The following CREBL2 variants were observed in gnomAD, a reference collection of about 807,000 sequenced individuals.
CREBL2 encodes cAMP-responsive element-binding protein-like 2.
Under a neutral mutation model 19.5 loss-of-function variants are expected in CREBL2, and 4 were observed. That is an observed-to-expected ratio of 0.20 (90% CI 0.10 to 0.47). The LOEUF is 0.47. Among genes scored for constraint, CREBL2 ranks in the 20% least tolerant of loss-of-function variants. The pLI is 0.98. For missense variants in CREBL2, 85 were observed against 145.1 expected (o/e 0.59, Z 2.13); for synonymous variants, 42 against 46.6 (o/e 0.90, Z 0.40).
rs79120851 is a variant in CREBL2, at chr12:12,644,035, T to C, written c.*2037T>C. ...TCGCTCTTCAATGGAACGTCTTTATTGTGCTTGAAGTATTTCTTCTCTGGT... is the reference window on the plus strand; with the variant it reads ...TCGCTCTTCAATGGAACGTCTTTATCGTGCTTGAAGTATTTCTTCTCTGGT... On this transcript the variant is annotated 3_prime_UTR_variant, in exon 4 of 4. Transcript: ENST00000228865. 0.011 allele frequency: 1,656 copies of C among 152,732 alleles called. 17 individuals carry two copies. Among genetic ancestry groups the C allele is most frequent in the Non-Finnish European group, 0.016 (1,110 of 68,036 alleles). 9.5% of individuals were successfully genotyped at this position (152,732 alleles called of 1,614,324 possible).
intron 1 of CREBL2, among the ~76,000 whole-genome samples, chr12:12,618,159 C>T (rs552469318): frequency 5.9e-5 from 9 of 152,354 alleles, no homozygotes; most frequent in African/African-American, 2.2e-4. Flanking sequence ...TCATCATGGC[C>T]CATTCTCAAT....
intron 1 of CREBL2, among the ~76,000 whole-genome samples, chr12:12,626,526 C>T (rs1286360049): frequency 1.3e-5 from 2 of 152,282 alleles, no homozygotes; most frequent in East Asian, 3.9e-4. Context: ...TTTTCAGGCT[C>T]ACTAGGCAAC....
chr12:12,619,066 AGAGGGAGAG>A (rs1040268463), intron 1 of CREBL2, among the ~76,000 whole-genome samples: 32 of 113,272 alleles, frequency 2.8e-4, no homozygotes, highest in East Asian at 7.4e-4. Flanking sequence ...GAGAGGAGGG[AGAGGGAGAG>A]GAGGGAGAGG....
intron 3 of CREBL2, among the ~76,000 whole-genome samples, chr12:12,639,071 T>C (rs1258270255): frequency 1.3e-5 from 2 of 152,224 alleles, no homozygotes; most frequent in African/African-American, 4.8e-5. Context: ...GTCTATACAG[T>C]ATGTGACTTT....
At chr12:12,632,279 G>A (rs1397546234) in intron 1 of CREBL2, among the ~76,000 whole-genome samples, 1 of 151,238 alleles carries the variant, frequency 6.6e-6, no homozygotes, top group Non-Finnish European at 1.5e-5. Context: ...GGGTTTCACC[G>A]TTTTAGTCAG....
At chr12:12,622,554 G>A (rs976579715) in intron 1 of CREBL2, among the ~76,000 whole-genome samples, 1 of 152,210 alleles carries the variant, frequency 6.6e-6, no homozygotes, top group African/African-American at 2.4e-5. Flanking sequence ...GGGGTTGAGA[G>A]AGGAGAGGCA....
intron 1 of CREBL2, among the ~76,000 whole-genome samples, chr12:12,627,556 T>G (rs933105732): frequency 6.6e-6 from 1 of 152,228 alleles, no homozygotes; most frequent in Non-Finnish European, 1.5e-5. Context: ...TGTCAGCACT[T>G]CATTCCATTT....
chr12:12,616,890 A>G (rs1945315635), intron 1 of CREBL2, among the ~76,000 whole-genome samples: 1 of 152,238 alleles, frequency 6.6e-6, no homozygotes, highest in Non-Finnish European at 1.5e-5. Context: ...CAGCAAGACC[A>G]GGGCAACAGG....
intron 1 of CREBL2, among the ~76,000 whole-genome samples, chr12:12,626,698 C>G (rs1170266780): frequency 6.6e-6 from 1 of 151,952 alleles, no homozygotes; most frequent in African/African-American, 2.4e-5. Context: ...CAAGAAGAGA[C>G]TCTTACAAAC....
intron 1 of CREBL2, among the ~76,000 whole-genome samples, chr12:12,629,104 C>G (rs1159655759): frequency 6.6e-6 from 1 of 152,070 alleles, no homozygotes; most frequent in African/African-American, 2.4e-5. Context: ...ATTCTGGGTC[C>G]CTCGTATTTC....
rs541559065 is a variant in CREBL2 at position 12,633,652 on chromosome 12, A to G, written c.16-2125A>G. Among the ~76,000 whole-genome samples the G allele has an allele frequency of 2.3e-4, 19 of 82,018 alleles. No homozygotes were observed. The East Asian group carries it at 5.7e-3, about 25-fold the overall frequency. The allele number at this position is 82,018 out of a possible 152,430, so 53.8% of individuals were successfully genotyped here. A position where few individuals can be genotyped will look rare whatever the true frequency, so the allele number is the denominator to read the frequency against. On this transcript the variant is annotated intron_variant, in intron 1 of 3. Coordinates refer to ENST00000228865, the MANE Select transcript of CREBL2 (RefSeq NM_001310.4). Reference sequence around the variant, plus strand: ...AAAATGCTAGATACAATGGTTGGCCATCATGATGTGACAGAAGTTTGGTAA... The same window carrying G: ...AAAATGCTAGATACAATGGTTGGCCGTCATGATGTGACAGAAGTTTGGTAA...
At position 12,611,935 on chromosome 12, in the gene CREBL2, A is replaced by AGGAGGC. The variant is rs1321498854; in HGVS notation, c.-235_-230dup. The AGGAGGC allele has an allele frequency of 1.7e-6, 1 of 577,742 alleles. No homozygotes were observed. Among genetic ancestry groups the AGGAGGC allele is most frequent in the Non-Finnish European group, 3.1e-6 (1 of 327,210 alleles). 35.8% of individuals were successfully genotyped at this position (577,742 alleles called of 1,614,324 possible). On this transcript the variant is annotated 5_prime_UTR_variant, in exon 1 of 4. Coordinates refer to ENST00000228865, the MANE Select transcript of CREBL2 (RefSeq NM_001310.4). ...CCAGAGACTGTCATGGAGGGGGAGG[A>AGGAGGC]GGAGGCGGCGGCGGCGAAGGGAGGC...
chr12:12,613,970 CTTT>C (rs1945287043), intron 1 of CREBL2, among the ~76,000 whole-genome samples: 1 of 112,266 alleles, frequency 8.9e-6, no homozygotes, highest in Non-Finnish European at 1.9e-5. Context: ...CATCACACTT[CTTT>C]CTTTTTTCTT....
intron 1 of CREBL2, chr12:12,614,798 A>C (rs746880536): frequency 6.0e-4 from 233 of 387,678 alleles, no homozygotes; most frequent in Admixed American, 1.7e-3. Flanking sequence ...TGCCAACAGA[A>C]TGCTGGGTAA....
intron 1 of CREBL2, among the ~76,000 whole-genome samples, chr12:12,626,151 G>A (rs1945399533): frequency 6.6e-6 from 1 of 152,114 alleles, no homozygotes; most frequent in Non-Finnish European, 1.5e-5. Flanking sequence ...TTTGGAATAG[G>A]ATTAAATGTG....
chr12:12,612,121 C>T lies in CREBL2; in HGVS notation c.-52C>T. 3.7e-6 allele frequency: 6 copies of T among 1,604,852 alleles called. No individual in the cohort carries two copies. Among genetic ancestry groups the T allele is most frequent in the South Asian group, 1.1e-5 (1 of 91,000 alleles). On this transcript the variant is annotated 5_prime_UTR_variant, in exon 1 of 4. Coordinates refer to ENST00000228865, the MANE Select transcript of CREBL2 (RefSeq NM_001310.4). ...GGGGGCCGGGCCAGGCCGGCTGAGC[C>T]GGGGGAGGGCTCCGGGAGGGAGTGC...
At chr12:12,626,315 G>A (rs4763294) in intron 1 of CREBL2, among the ~76,000 whole-genome samples, 150,968 of 152,328 alleles carry the variant, frequency 0.99, 74,821 homozygotes, top group East Asian at 1. Context: ...ACTGATTTCT[G>A]TTTTGTCTTT....
chr12:12,636,854 A>G (rs937710428), intron 2 of CREBL2, among the ~76,000 whole-genome samples: 2 of 152,262 alleles, frequency 1.3e-5, no homozygotes, highest in African/African-American at 2.4e-5. Context: ...AGGAAGTGAC[A>G]GAAGAGAGAG....
intron 1 of CREBL2, among the ~76,000 whole-genome samples, chr12:12,624,651 G>A (rs746546625): frequency 1.3e-5 from 2 of 152,194 alleles, no homozygotes; most frequent in Admixed American, 6.5e-5. Context: ...TGAGACTTCC[G>A]AAGCCCCAGA....
Sources: allele counts gnomAD v4.1 joint callset (sites outside exome capture counted in the v4.1 genomes callset), GRCh38; gene constraint gnomAD v4.1.1; transcripts MANE v1.5; gene names NCBI Gene and HGNC (gene_info 2026-07-23, HGNC 2026-07-21).